ITPK1: variants seen among roughly 807,000 people sequenced by gnomAD.
The protein encoded by ITPK1 is inositol-tetrakisphosphate 1-kinase.
ITPK1 carries 21 observed loss-of-function variants against 45.3 expected under a neutral mutation model. That is an observed-to-expected ratio of 0.46 (90% CI 0.33 to 0.67). The LOEUF is 0.67. Among genes scored for constraint, ITPK1 ranks in the 30% least tolerant of loss-of-function variants. ITPK1 has a pLI of 0.02. For synonymous variants in ITPK1, 258 were observed against 253.6 expected, an observed-to-expected ratio of 1.02 and a Z score of -0.16; for missense variants, 474 against 573.5, an observed-to-expected ratio of 0.83 and a Z score of 1.77.
At chr14:93,078,000 G>A (rs1891297021) in intron 2 of ITPK1, among the ~76,000 whole-genome samples, 1 of 152,216 alleles carries the variant, frequency 6.6e-6, no homozygotes, top group African/African-American at 2.4e-5. Flanking sequence ...AAGCTCCTTG[G>A]AGCAGGGACT....
At chr14:92,961,532 T>C (rs1018929516) in intron 7 of ITPK1, among the ~76,000 whole-genome samples, 2 of 152,180 alleles carry the variant, frequency 1.3e-5, no homozygotes, top group African/African-American at 4.8e-5. Flanking sequence ...CCCTGGCCCG[T>C]CTCAATTCAG....
intron 5 of ITPK1, among the ~76,000 whole-genome samples, chr14:92,982,470 C>T (rs1012231657): frequency 2.6e-5 from 4 of 152,130 alleles, no homozygotes; most frequent in African/African-American, 4.8e-5. Context: ...GAGCTGCTGG[C>T]CAGCAAGGGT....
Position 92,938,380 on chromosome 14 carries a change from TAGA to T in ITPK1, c.*3178_*3180del. 1.1e-6 allele frequency: 1 copy of T among 889,118 alleles called. No homozygotes were observed. The highest frequency in any genetic ancestry group is 1.9e-6 in the Non-Finnish European group (1 of 529,168). The allele number at this position is 889,118 out of a possible 1,614,324, so 55.1% of individuals were successfully genotyped here. ...AGAGCCAAGAACTGGTCTTCCAGGC[TAGA>T]AGGACAAACGACAGGCTGGCTCCCT... On this transcript the variant is annotated 3_prime_UTR_variant, in exon 11 of 11. Transcript: ENST00000267615.
chr14:92,980,851 G>A (rs543105470), intron 5 of ITPK1, among the ~76,000 whole-genome samples: 1 of 152,286 alleles, frequency 6.6e-6, no homozygotes, highest in African/African-American at 2.4e-5. Context: ...GGGACTACAG[G>A]CACGTGCCAC....
chr14:92,945,023 G>T (rs927417761), intron 10 of ITPK1, among the ~76,000 whole-genome samples: 1 of 152,168 alleles, frequency 6.6e-6, no homozygotes, highest in Non-Finnish European at 1.5e-5. Flanking sequence ...AGGGCTCCAC[G>T]GTGCCTCTCC....
chr14:92,939,828 C>T lies in ITPK1; in HGVS notation c.*1733G>A. On this transcript the variant is annotated 3_prime_UTR_variant, in exon 11 of 11. Transcript: ENST00000267615. ...TTTAAGGACTGGGAGTATGACATAA[C>T]AAACTTGAGCAACATGTGTAAACAC... The T allele has an allele frequency of 1.0e-6, 1 of 985,778 alleles. No individual in the cohort carries two copies. The highest frequency in any genetic ancestry group is 1.2e-6 in the Non-Finnish European group (1 of 829,928). 61.1% of individuals were successfully genotyped at this position (985,778 alleles called of 1,614,324 possible). A position where few individuals can be genotyped will look rare whatever the true frequency, so the allele number is the denominator to read the frequency against.
intron 5 of ITPK1, among the ~76,000 whole-genome samples, chr14:92,963,271 A>T (rs760564880): frequency 5.3e-5 from 8 of 152,164 alleles, no homozygotes; most frequent in Non-Finnish European, 1.0e-4. Flanking sequence ...CTTTCCCACC[A>T]TGTGATACAC....
At chr14:93,018,024 C>T (rs1888273808) in intron 3 of ITPK1, among the ~76,000 whole-genome samples, 1 of 152,158 alleles carries the variant, frequency 6.6e-6, no homozygotes, top group Non-Finnish European at 1.5e-5. Flanking sequence ...CTCCATTCCC[C>T]GCTGCCTGCC....
At chr14:92,973,906 C>G (rs1808863293) in intron 5 of ITPK1, among the ~76,000 whole-genome samples, 5 of 152,218 alleles carry the variant, frequency 3.3e-5, no homozygotes, top group Non-Finnish European at 5.9e-5. Flanking sequence ...AGGTCCTGTC[C>G]ACGTGGCCTG....
intron 3 of ITPK1, among the ~76,000 whole-genome samples, chr14:93,040,390 A>G (rs1889507863): frequency 6.6e-6 from 1 of 152,118 alleles, no homozygotes; most frequent in Non-Finnish European, 1.5e-5. Context: ...GAGATAGTGG[A>G]GGAGAGGCGG....
At chr14:93,072,264 T>G (rs1891040574) in intron 3 of ITPK1, 1 of 150,484 alleles carries the variant, frequency 6.6e-6, no homozygotes, top group South Asian at 2.1e-4. Context: ...ATCATGCCTC[T>G]GCACTCCAGC....
intron 5 of ITPK1, among the ~76,000 whole-genome samples, chr14:92,968,417 C>CGA (rs1489940561): frequency 1.3e-5 from 2 of 152,116 alleles, no homozygotes; most frequent in Non-Finnish European, 2.9e-5. Flanking sequence ...TAGCTGTCAT[C>CGA]CAGAGTGCTT....
chr14:93,060,852 T>C (rs963883177), intron 3 of ITPK1, among the ~76,000 whole-genome samples: 4 of 151,998 alleles, frequency 2.6e-5, no homozygotes, highest in Non-Finnish European at 4.4e-5. Context: ...ATCTGCAAAA[T>C]AGGGAGAATA....
chr14:92,941,430 CA>C lies in ITPK1; in HGVS notation c.*130del. 1 of 1,418,470 alleles carries C rather than the reference CA, an allele frequency of 7.0e-7. No individual in the cohort carries two copies. The highest frequency in any genetic ancestry group is 9.1e-7 in the Non-Finnish European group (1 of 1,093,424). 87.9% of individuals were successfully genotyped at this position (1,418,470 alleles called of 1,614,324 possible). ...CATTTAGATCATGACATCAGAGAAT[CA>C]GGTTAAAAATTAAAAAACAGAAGAA... On this transcript the variant is annotated 3_prime_UTR_variant, in exon 11 of 11. Transcript: ENST00000267615.
At chr14:93,060,491 G>C (rs1312067948) in intron 3 of ITPK1, among the ~76,000 whole-genome samples, 3 of 152,210 alleles carry the variant, frequency 2.0e-5, no homozygotes, top group Non-Finnish European at 4.4e-5. Context: ...AGGCCAGGCT[G>C]AGGGTACACA....
intron 3 of ITPK1, among the ~76,000 whole-genome samples, chr14:93,066,711 A>G (rs1222421910): frequency 1.3e-5 from 2 of 152,114 alleles, no homozygotes; most frequent in African/African-American, 2.4e-5. Flanking sequence ...CCTGACATTT[A>G]GCAGTTCTAA....
At position 93,086,456 on chromosome 14, in the gene ITPK1, G is replaced by A. The variant is rs572756974; in HGVS notation, c.96-9837C>T. On this transcript the variant is annotated intron_variant, in intron 2 of 10. Transcript: ENST00000267615. ...TGCTGCACCTCCAACCACAGGCAGC[G>A]AGAGTTTCCTGGTCTGATTTTGGTC... Among the ~76,000 whole-genome samples the A allele has an allele frequency of 3.9e-5, 6 of 152,344 alleles. No homozygotes were observed. In the South Asian group the frequency reaches 6.2e-4, roughly 16 times the overall value.
chr14:92,976,437 T>C (rs751037022), intron 5 of ITPK1, among the ~76,000 whole-genome samples: 1 of 152,190 alleles, frequency 6.6e-6, no homozygotes, highest in Non-Finnish European at 1.5e-5. Context: ...GTCACCATCA[T>C]GCTAAACTGC....
At chr14:92,968,965 T>C (rs963425138) in intron 5 of ITPK1, among the ~76,000 whole-genome samples, 1 of 152,140 alleles carries the variant, frequency 6.6e-6, no homozygotes, top group African/African-American at 2.4e-5. Flanking sequence ...CATCTCTCAG[T>C]GGACACAGAC....
Sources: gnomAD v4.1 joint callset for allele counts (sites outside exome capture counted in the v4.1 genomes callset) on GRCh38, gnomAD v4.1.1 for gene constraint, MANE v1.5 for transcripts, NCBI Gene and HGNC (gene_info 2026-07-23, HGNC 2026-07-21) for gene names.